CCDC192: variants seen among roughly 807,000 people sequenced by gnomAD.
CCDC192 encodes the protein coiled-coil domain-containing protein 192.
At chr5:127,791,163 A>C (rs1580664594) in intron 3 of CCDC192, among the ~76,000 whole-genome samples, 1 of 152,188 alleles carries the variant, frequency 6.6e-6, no homozygotes, top group Non-Finnish European at 1.5e-5. Flanking sequence ...TCATCTGAAA[A>C]ATTGTGTACA....
chr5:127,889,992 A>G (rs1018481547), intron 6 of CCDC192, among the ~76,000 whole-genome samples: 6 of 151,962 alleles, frequency 3.9e-5, no homozygotes, highest in Admixed American at 3.9e-4. Flanking sequence ...TGTTTTAGGT[A>G]ATACCTTGCC....
chr5:127,932,823 C>T (rs182661042), intron 6 of CCDC192, among the ~76,000 whole-genome samples: 23 of 152,118 alleles, frequency 1.5e-4, no homozygotes, highest in African/African-American at 5.3e-4. Flanking sequence ...AGATAAAAAC[C>T]AGATCTAGAA....
chr5:127,836,089 A>G (rs1316015100), intron 5 of CCDC192, among the ~76,000 whole-genome samples: 1 of 152,242 alleles, frequency 6.6e-6, no homozygotes, highest in African/African-American at 2.4e-5. Context: ...CTTCCAAGAT[A>G]CAATAGGGCT....
chr5:127,757,035 T>C (rs1754639784), intron 3 of CCDC192, among the ~76,000 whole-genome samples: 1 of 152,234 alleles, frequency 6.6e-6, no homozygotes, highest in African/African-American at 2.4e-5. Context: ...ATATATAAAA[T>C]GGAAACTGGA....
intron 2 of CCDC192, among the ~76,000 whole-genome samples, chr5:127,713,341 T>G (rs1751445477): frequency 1.3e-5 from 2 of 152,258 alleles, no homozygotes; most frequent in African/African-American, 4.8e-5. Flanking sequence ...TTTCACTTGC[T>G]TATTTGCCAT....
intron 4 of CCDC192, among the ~76,000 whole-genome samples, chr5:127,797,479 A>T (rs980144612): frequency 6.6e-6 from 1 of 151,948 alleles, no homozygotes; most frequent in Admixed American, 6.6e-5. Flanking sequence ...CATTAGCTGA[A>T]TATTCTATTT....
intron 6 of CCDC192, among the ~76,000 whole-genome samples, chr5:127,939,110 C>CTTTTTTTTTTTTT (rs59545987): frequency 2.4e-5 from 2 of 83,620 alleles, no homozygotes; most frequent in African/African-American, 4.3e-5. Context: ...AAACCAACAT[C>CTTTTTTTTTTTTT]TTTTTTTTTT....
chr5:127,750,425 T>C (rs1754076488), intron 2 of CCDC192, among the ~76,000 whole-genome samples: 3 of 152,282 alleles, frequency 2.0e-5, no homozygotes, highest in Admixed American at 2.0e-4. Flanking sequence ...TGAGGGGTTT[T>C]GAGTGAGATT....
At chr5:127,719,558 TACACAC>T (rs372022175) in intron 2 of CCDC192, among the ~76,000 whole-genome samples, 1,781 of 20,548 alleles carry the variant, frequency 0.087, 128 homozygotes, top group African/African-American at 0.15. Flanking sequence ...TATATATATA[TACACAC>T]ATACATATAT....
At chr5:127,784,592 C>T (rs1037626673) in intron 3 of CCDC192, 4 of 555,632 alleles carry the variant, frequency 7.2e-6, no homozygotes, top group Non-Finnish European at 1.3e-5. Context: ...GTGGGACACA[C>T]AGTCAGACCC....
chr5:127,746,822 C>T (rs1164832324), intron 2 of CCDC192, among the ~76,000 whole-genome samples: 1 of 151,966 alleles, frequency 6.6e-6, no homozygotes, highest in Non-Finnish European at 1.5e-5. Context: ...TATTTTTTTG[C>T]CCCTCCTCCC....
intron 5 of CCDC192, among the ~76,000 whole-genome samples, chr5:127,859,823 G>T (rs1751280935): frequency 6.6e-6 from 1 of 151,942 alleles, no homozygotes; most frequent in Non-Finnish European, 1.5e-5. Context: ...TCTCTTGTCG[G>T]CTATGTCTAT....
intron 4 of CCDC192, among the ~76,000 whole-genome samples, chr5:127,797,752 TATATATA>T (rs1757244466): frequency 2.2e-5 from 3 of 137,092 alleles, no homozygotes; most frequent in African/African-American, 8.2e-5. Flanking sequence ...TATATATATA[TATATATA>T]TATATATATA....
At chr5:127,868,143 G>A (rs753098446) in intron 5 of CCDC192, among the ~76,000 whole-genome samples, 2 of 151,720 alleles carry the variant, frequency 1.3e-5, no homozygotes, top group East Asian at 1.9e-4. Context: ...CTCTGTAAAG[G>A]GGGTTTAAGT....
Position 127,841,139 on chromosome 5 carries a change from A to G in CCDC192, c.412-34399A>G, listed in dbSNP as rs534524718. ...GAAAAGGAACTGTTAGCAGAAAGAC[A>G]TTTCTTCAGTTTGTATGTGCCCTTA... On this transcript the variant is annotated intron_variant, in intron 5 of 6. Coordinates refer to ENST00000514853, the MANE Select transcript of CCDC192 (RefSeq NM_001317938.2). Among the ~76,000 whole-genome samples the G allele has an allele frequency of 2.6e-5, 4 of 152,328 alleles. No individual in the cohort carries two copies. The East Asian group carries it at 7.7e-4, about 29-fold the overall frequency.
chr5:127,846,819 CAAAAAAAA>C (rs551016691), intron 5 of CCDC192, among the ~76,000 whole-genome samples: 5 of 63,676 alleles, frequency 7.9e-5, no homozygotes, highest in South Asian at 9.3e-4. Context: ...GTCAATAAAG[CAAAAAAAA>C]AAAAAAAAAA....
chr5:127,869,041 G>A (rs1198592073), intron 5 of CCDC192, among the ~76,000 whole-genome samples: 2 of 152,192 alleles, frequency 1.3e-5, no homozygotes, highest in East Asian at 1.9e-4. Context: ...AATGAAATGA[G>A]GCCGGGCACG....
intron 3 of CCDC192, among the ~76,000 whole-genome samples, chr5:127,768,445 G>A (rs533777046): frequency 1.6e-4 from 24 of 152,192 alleles, no homozygotes; most frequent in South Asian, 1.0e-3. Context: ...CCAGCAAACC[G>A]TTAGAAGCTA....
intron 2 of CCDC192, among the ~76,000 whole-genome samples, chr5:127,736,345 G>A (rs1752988143): frequency 6.8e-6 from 1 of 147,574 alleles, no homozygotes; most frequent in Non-Finnish European, 1.5e-5. Context: ...ATTTTATTGA[G>A]GATTTTTGCA....
Sources: allele counts gnomAD v4.1 joint callset (sites outside exome capture counted in the v4.1 genomes callset), GRCh38; gene constraint gnomAD v4.1.1; transcripts MANE v1.5; gene names NCBI Gene and HGNC (gene_info 2026-07-23, HGNC 2026-07-21).